The following PEMT variants were observed in gnomAD, a reference collection of about 807,000 sequenced individuals.
PEMT encodes the protein phospholipid methyltransferase.
A neutral mutation model predicts 27.4 loss-of-function variants in PEMT; 23 were observed. The ratio of observed to expected loss-of-function variants is 0.84; its 90% CI spans 0.60 to 1.19. The LOEUF is 1.19. Ranked by LOEUF, PEMT falls within the 50% of genes most tolerant of loss-of-function variation. PEMT has a pLI of 0.00. For synonymous variants in PEMT, 137 were observed against 139.1 expected (o/e 0.98, Z 0.11); for missense variants, 307 against 310.1 (o/e 0.99, Z 0.07).
intron 3 of PEMT, among the ~76,000 whole-genome samples, chr17:17,518,578 C>T (rs1287817331): frequency 6.6e-6 from 1 of 152,206 alleles, no homozygotes; most frequent in African/African-American, 2.4e-5. Context: ...CTGGTGCAGA[C>T]CTGCTAACAT....
chr17:17,512,408 C>T lies in PEMT; in HGVS notation c.466+101G>A. 1 of 1,211,196 alleles carries T rather than the reference C, an allele frequency of 8.3e-7. No homozygotes were observed. The highest frequency in any genetic ancestry group is 2.0e-4 in the Middle Eastern group (1 of 4,882). The allele number at this position is 1,211,196 out of a possible 1,614,324, so 75.0% of individuals were successfully genotyped here. A position where few individuals can be genotyped will look rare whatever the true frequency, so the allele number is the denominator to read the frequency against. On this transcript the variant is annotated intron_variant, in intron 4 of 6. Coordinates refer to ENST00000255389, the MANE Select transcript of PEMT (RefSeq NM_148172.3). The surrounding 1 kb of genome is among the most constrained non-coding windows in gnomAD (Gnocchi z 6.3). ...CCGATGGAGGGGGCCCCTAGCACTC[C>T]CACCGATGTCACGGATAGCAGGGCA...
At chr17:17,520,234 T>A (rs1178313719) in intron 3 of PEMT, among the ~76,000 whole-genome samples, 1 of 152,126 alleles carries the variant, frequency 6.6e-6, no homozygotes, top group East Asian at 1.9e-4. Context: ...CAGGGCCCCA[T>A]CCTGGGTAAG....
chr17:17,569,220 C>CA (rs1231350452), intron 2 of PEMT, among the ~76,000 whole-genome samples: 1 of 152,182 alleles, frequency 6.6e-6, no homozygotes, highest in African/African-American at 2.4e-5. Flanking sequence ...TCTGCAGGGC[C>CA]AAGGGCTGGG....
intron 3 of PEMT, among the ~76,000 whole-genome samples, chr17:17,519,859 T>C (rs1907133824): frequency 6.6e-6 from 1 of 152,204 alleles, no homozygotes; most frequent in South Asian, 2.1e-4. Context: ...AGGGGCTCCA[T>C]CAAGGCAGCT....
At chr17:17,537,838 A>G (rs1425291508) in intron 2 of PEMT, among the ~76,000 whole-genome samples, 1 of 152,190 alleles carries the variant, frequency 6.6e-6, no homozygotes, top group African/African-American at 2.4e-5. Context: ...CGTAGAAGGC[A>G]GGTGTCTTTC....
intron 3 of PEMT, among the ~76,000 whole-genome samples, chr17:17,514,752 C>T (rs1451632283): frequency 6.6e-6 from 1 of 152,366 alleles, no homozygotes. Flanking sequence ...CTGCCTGGCA[C>T]CCTCCACTCT....
intron 2 of PEMT, among the ~76,000 whole-genome samples, chr17:17,571,581 C>T (rs934537342): frequency 6.6e-6 from 1 of 152,136 alleles, no homozygotes; most frequent in African/African-American, 2.4e-5. Flanking sequence ...GCACCCCAGC[C>T]CAATGCTGGG....
Position 17,582,510 on chromosome 17 carries a change from G to T in PEMT, c.97-5483C>A. On this transcript the variant is annotated intron_variant, in intron 1 of 6. Transcript: ENST00000255389. The surrounding 1 kb of genome is among the most constrained non-coding windows in gnomAD (Gnocchi z 4.9). Reference sequence around the variant, plus strand: ...AGGCCTGGACAGGCAAAGTCACATCGATTCCAGGCCACACACCACACACAA... The same window carrying T: ...AGGCCTGGACAGGCAAAGTCACATCTATTCCAGGCCACACACCACACACAA... 1 of 761,450 alleles carries T rather than the reference G, an allele frequency of 1.3e-6. No individual in the cohort carries two copies. The highest frequency in any genetic ancestry group is 1.6e-6 in the Non-Finnish European group (1 of 625,562). The allele number at this position is 761,450 out of a possible 1,614,324, so 47.2% of individuals were successfully genotyped here.
chr17:17,583,448 A>G (rs752336102), intron 1 of PEMT, among the ~76,000 whole-genome samples: 2 of 152,238 alleles, frequency 1.3e-5, no homozygotes, highest in Non-Finnish European at 2.9e-5. Flanking sequence ...GCCATTTCAT[A>G]TTAAGCCAGC....
chr17:17,530,904 G>A (rs35656361), intron 2 of PEMT, among the ~76,000 whole-genome samples: 58,068 of 151,762 alleles, frequency 0.38, 11,786 homozygotes, highest in Non-Finnish European at 0.47. Flanking sequence ...TTGGCCGGGC[G>A]TAACGGCAGG....
intron 2 of PEMT, among the ~76,000 whole-genome samples, chr17:17,557,226 C>T (rs147671744): frequency 0.025 from 3,844 of 152,258 alleles, 76 homozygotes; most frequent in Non-Finnish European, 0.041. Context: ...TGATTCTTGC[C>T]GCCACCTCCC....
intron 2 of PEMT, among the ~76,000 whole-genome samples, chr17:17,566,067 C>G (rs1452362438): frequency 6.6e-6 from 1 of 152,216 alleles, no homozygotes; most frequent in Non-Finnish European, 1.5e-5. Context: ...TGTTTTGGGT[C>G]ACCAAGTAGG....
intron 2 of PEMT, among the ~76,000 whole-genome samples, chr17:17,535,215 G>T (rs1567694196): frequency 6.6e-6 from 1 of 152,052 alleles, no homozygotes. Context: ...GGCCTGTAAG[G>T]CTATTTTAAA....
chr17:17,586,956 T>C (rs1190421033), intron 1 of PEMT, among the ~76,000 whole-genome samples: 2 of 151,858 alleles, frequency 1.3e-5, no homozygotes, highest in African/African-American at 2.4e-5. Context: ...TGAGCCGAGA[T>C]TGCACCACTG....
intron 1 of PEMT, among the ~76,000 whole-genome samples, chr17:17,587,042 T>C (rs1912352803): frequency 6.6e-6 from 1 of 151,684 alleles, no homozygotes; most frequent in Non-Finnish European, 1.5e-5. Context: ...AGGAATGAGT[T>C]AAACCCAAAG....
At chr17:17,509,743 C>G (rs949893253) in intron 4 of PEMT, among the ~76,000 whole-genome samples, 198 bp from the exon 5 acceptor site, 2 of 152,188 alleles carry the variant, frequency 1.3e-5, no homozygotes, top group Admixed American at 6.5e-5. Flanking sequence ...GGCGTGGGGC[C>G]TAAGGACTAA....
At chr17:17,549,608 C>T (rs943156898) in intron 2 of PEMT, among the ~76,000 whole-genome samples, 6 of 152,356 alleles carry the variant, frequency 3.9e-5, no homozygotes, top group African/African-American at 1.4e-4. Flanking sequence ...CTGTGCCCAG[C>T]CAACCGTGGC....
At chr17:17,509,677 G>A in intron 4 of PEMT, 132 bp from the exon 5 acceptor site, 1 of 686,144 alleles carries the variant, frequency 1.5e-6, no homozygotes, top group Non-Finnish European at 2.6e-6. Flanking sequence ...GGAGACTTCA[G>A]AGAGTTCAAC....
intron 2 of PEMT, among the ~76,000 whole-genome samples, chr17:17,528,766 T>C (rs1907881238): frequency 6.6e-6 from 1 of 152,132 alleles, no homozygotes; most frequent in Non-Finnish European, 1.5e-5. Context: ...AACTCAGGGC[T>C]CCACTGGCAT....
Sources: allele counts gnomAD v4.1 joint callset (sites outside exome capture counted in the v4.1 genomes callset), GRCh38; gene constraint gnomAD v4.1.1; non-coding constraint Gnocchi (gnomAD v3.1); transcripts MANE v1.5; gene names NCBI Gene and HGNC (gene_info 2026-07-23, HGNC 2026-07-21).